Variants in CCSER1 observed in about 807,000 individuals in gnomAD.
CCSER1 encodes coiled-coil serine rich protein 1.
CCSER1 carries 41 observed loss-of-function variants against 82.0 expected under a neutral mutation model. That is an observed-to-expected ratio of 0.50 (90% confidence interval 0.39 to 0.65). CCSER1 has a LOEUF of 0.65. Among genes scored for constraint, CCSER1 ranks in the 30% least tolerant of loss-of-function variants. The pLI is 0.00. For synonymous variants in CCSER1, 414 were observed against 383.9 expected, an observed-to-expected ratio of 1.08 and a Z score of -0.92; for missense variants, 1,119 against 1,064.2, an observed-to-expected ratio of 1.05 and a Z score of -0.72.
rs1373220116 is a variant in CCSER1, at chr4:90,803,006, G to A, written c.2011-12756G>A. ...TGAATTTTTTGTTTATAAGAATAAG[G>A]AAACAGCTTGTAAATCTTACAGTAA... On this transcript the variant is annotated intron_variant, in intron 7 of 10. Coordinates refer to ENST00000509176, the MANE Select transcript of CCSER1 (RefSeq NM_001145065.2). Among the ~76,000 whole-genome samples the A allele has an allele frequency of 4.6e-5, 7 of 151,642 alleles. No homozygotes were observed. The East Asian group carries it at 1.4e-3, about 29-fold the overall frequency.
chr4:90,845,368 A>G (rs1269766931), intron 8 of CCSER1, among the ~76,000 whole-genome samples: 3 of 151,774 alleles, frequency 2.0e-5, no homozygotes, highest in Non-Finnish European at 4.4e-5. Context: ...CTAAAAAAAA[A>G]AAAAAAAAAA....
rs569833759 is a variant in CCSER1 at position 91,177,118 on chromosome 4, T to C, written c.2217+91124T>C. The stretch of plus-strand genomic sequence containing the variant: ...TCGGTTCTGTTTATATGATGGATTA[T>C]GTTTATTGATTTGCATATGTTGAAC... On this transcript the variant is annotated intron_variant, in intron 10 of 10. Transcript: ENST00000509176. Among the ~76,000 whole-genome samples, 515 of 152,284 alleles carry C rather than the reference T, an allele frequency of 3.4e-3. 1 individual carries two copies. Among genetic ancestry groups the C allele is most frequent in the African/African-American group, 0.011 (473 of 41,546 alleles).
At chr4:91,037,257 CATACAT>C (rs754165254) in intron 9 of CCSER1, among the ~76,000 whole-genome samples, 300 of 78,018 alleles carry the variant, frequency 3.8e-3, no homozygotes, top group Non-Finnish European at 7.7e-3. Context: ...CACACACACA[CATACAT>C]ACACACACAC....
chr4:90,859,812 T>A (rs1764865648), intron 8 of CCSER1, among the ~76,000 whole-genome samples: 1 of 151,786 alleles, frequency 6.6e-6, no homozygotes, highest in South Asian at 2.1e-4. Context: ...GGAATCAAAG[T>A]GAATAATTTT....
chr4:90,230,424 G>A (rs965897539), intron 1 of CCSER1, among the ~76,000 whole-genome samples: 6 of 151,546 alleles, frequency 4.0e-5, no homozygotes, highest in South Asian at 2.1e-4. Flanking sequence ...TGAAACCAAC[G>A]AGAACAAAGA....
At chr4:91,150,295 T>C (rs1380304692) in intron 10 of CCSER1, among the ~76,000 whole-genome samples, 2 of 152,228 alleles carry the variant, frequency 1.3e-5, no homozygotes, top group Non-Finnish European at 2.9e-5. Context: ...GTTGTTGCTG[T>C]ATAAAAATGC....
At chr4:90,201,433 A>G (rs1355950071) in intron 1 of CCSER1, among the ~76,000 whole-genome samples, 3 of 151,758 alleles carry the variant, frequency 2.0e-5, no homozygotes, top group African/African-American at 7.3e-5. Flanking sequence ...CATTCTGTAA[A>G]AATATGTGAG....
intron 10 of CCSER1, among the ~76,000 whole-genome samples, chr4:91,595,123 T>C (rs1764505632): frequency 6.6e-6 from 1 of 151,536 alleles, no homozygotes; most frequent in South Asian, 2.1e-4. Flanking sequence ...CAATGTCCAA[T>C]AACTGGATGA....
At chr4:90,187,975 T>G (rs764762289) in intron 1 of CCSER1, among the ~76,000 whole-genome samples, 6 of 151,994 alleles carry the variant, frequency 3.9e-5, no homozygotes, top group Non-Finnish European at 8.8e-5. Context: ...CTCTTGAGAC[T>G]GAAAACCATG....
chr4:90,385,348 T>A (rs891118017), intron 3 of CCSER1, among the ~76,000 whole-genome samples: 6 of 151,908 alleles, frequency 3.9e-5, no homozygotes, highest in Non-Finnish European at 8.8e-5. Context: ...TTCCCACCAA[T>A]AGTATATAAG....
chr4:91,596,314 C>T (rs1169862631), intron 10 of CCSER1, among the ~76,000 whole-genome samples: 1 of 151,922 alleles, frequency 6.6e-6, no homozygotes, highest in African/African-American at 2.4e-5. Flanking sequence ...CTACTCCTAC[C>T]ATTTCTACTT....
chr4:91,186,748 G>C (rs1734578700), intron 10 of CCSER1, among the ~76,000 whole-genome samples: 1 of 152,198 alleles, frequency 6.6e-6, no homozygotes, highest in East Asian at 1.9e-4. Context: ...ATGAAGGGAT[G>C]GGCTGAATTA....
intron 3 of CCSER1, among the ~76,000 whole-genome samples, chr4:90,318,453 T>C (rs1192180104): frequency 6.6e-6 from 1 of 152,236 alleles, no homozygotes; most frequent in African/African-American, 2.4e-5. Flanking sequence ...TGACACAGCA[T>C]GTTTTCTTTC....
At position 90,982,899 on chromosome 4, in the gene CCSER1, C is replaced by A. The variant is rs372615697; in HGVS notation, c.2172+59452C>A. ...AAAAAAAAGATAGAGTCCTTAGAAG[C>A]AGACCAGTGAACCCATACTCACTTG... On this transcript the variant is annotated intron_variant, in intron 9 of 10. Coordinates refer to ENST00000509176, the MANE Select transcript of CCSER1 (RefSeq NM_001145065.2). Among the ~76,000 whole-genome samples, 14 of 151,918 alleles carry A rather than the reference C, an allele frequency of 9.2e-5. No homozygotes were observed. In the East Asian group the frequency reaches 2.5e-3, roughly 28 times the overall value.
chr4:91,320,538 T>C (rs1426156705), intron 10 of CCSER1, among the ~76,000 whole-genome samples: 1 of 152,112 alleles, frequency 6.6e-6, no homozygotes, highest in Non-Finnish European at 1.5e-5. Context: ...TTATTCATGA[T>C]AACATGTGCT....
intron 10 of CCSER1, among the ~76,000 whole-genome samples, chr4:91,300,483 A>G (rs902014603): frequency 1.3e-5 from 2 of 151,914 alleles, no homozygotes; most frequent in African/African-American, 4.8e-5. Context: ...AGGCTGAGAC[A>G]TATGCCTCAG....
chr4:90,682,024 T>A (rs567332903), intron 6 of CCSER1, among the ~76,000 whole-genome samples: 10 of 152,042 alleles, frequency 6.6e-5, no homozygotes, highest in Non-Finnish European at 1.2e-4. Flanking sequence ...CTTTTTTTTT[T>A]ATGTTTCTAT....
intron 10 of CCSER1, among the ~76,000 whole-genome samples, chr4:91,297,377 G>A (rs1283140270): frequency 5.8e-5 from 6 of 103,516 alleles, no homozygotes; most frequent in Admixed American, 3.6e-4. Context: ...GTGTGTGTGT[G>A]TGTGTGTATG....
In CCSER1 at chr4:90,199,309, G is replaced by T. The variant is rs144169675; in HGVS notation, c.-42+71478G>T. Among the ~76,000 whole-genome samples, 15 of 152,170 alleles carry T rather than the reference G, an allele frequency of 9.9e-5. No individual in the cohort carries two copies. The East Asian group carries it at 2.9e-3, about 29-fold the overall frequency. On this transcript the variant is annotated intron_variant, in intron 1 of 10. Coordinates refer to ENST00000509176, the MANE Select transcript of CCSER1 (RefSeq NM_001145065.2). ...ATTAGAATAGCAGAATTGATCTACA[G>T]GCTATAATGGGCCTCTACTTGTTAT...
Sources: allele counts gnomAD v4.1 joint callset (sites outside exome capture counted in the v4.1 genomes callset), GRCh38; gene constraint gnomAD v4.1.1; transcripts MANE v1.5; gene names NCBI Gene and HGNC (gene_info 2026-07-23, HGNC 2026-07-21).